PHOSPHO2: variants seen among roughly 807,000 people sequenced by gnomAD.
PHOSPHO2 encodes the protein pyridoxal phosphate phosphatase PHOSPHO2.
Under a neutral mutation model 16.4 loss-of-function variants are expected in PHOSPHO2, and 14 were observed. The observed-to-expected ratio is 0.85, with a 90% CI of 0.56 to 1.33. The LOEUF is 1.33. Among genes scored for constraint, PHOSPHO2 ranks in the 40% most tolerant of loss-of-function variants. The pLI, the probability that PHOSPHO2 is intolerant of heterozygous loss-of-function variation, is 0.00. For synonymous variants in PHOSPHO2, 85 were observed against 90.5 expected, an observed-to-expected ratio of 0.94 and a Z score of 0.34; for missense variants, 246 against 282.5, an observed-to-expected ratio of 0.87 and a Z score of 0.93.
At chr2:169,699,054 A>T (rs1197046601) in intron 3 of PHOSPHO2, among the ~76,000 whole-genome samples, 1 of 152,036 alleles carries the variant, frequency 6.6e-6, no homozygotes, top group Non-Finnish European at 1.5e-5. Flanking sequence ...CATGTGCAGG[A>T]TGTGTAGATT....
intron 2 of PHOSPHO2, among the ~76,000 whole-genome samples, chr2:169,696,314 T>A (rs1574496100): frequency 6.6e-6 from 1 of 152,160 alleles, no homozygotes; most frequent in East Asian, 1.9e-4. Context: ...AAGAAAAAAA[T>A]TTTATTACAA....
chr2:169,701,149 G>A lies in PHOSPHO2; in HGVS notation c.178G>A (p.Val60Ile). ...CTTTAAGTATTTGGGAGATAAGGGTGTAAGAGAACATGAAATGAAAAGAGC... is the reference window on the plus strand; with the variant it reads ...CTTTAAGTATTTGGGAGATAAGGGTATAAGAGAACATGAAATGAAAAGAGC... ...RVFKYLGDKG[V>I]REHEMKRAVT... Residue 60 changes from valine to isoleucine, a missense_variant, in exon 4 of 4, where the codon GTA becomes ATA. Val to Ile is a conservative substitution (Grantham distance 29, BLOSUM62 3). Coordinates refer to ENST00000359744, the MANE Select transcript of PHOSPHO2 (RefSeq NM_001008489.4). The A allele has an allele frequency of 1.2e-6, 2 of 1,614,052 alleles. No homozygotes were observed. Among genetic ancestry groups the A allele is most frequent in the South Asian group, 1.1e-5 (1 of 91,072 alleles).
At chr2:169,696,598 C>A (rs1413607766) in intron 2 of PHOSPHO2, among the ~76,000 whole-genome samples, 1 of 152,180 alleles carries the variant, frequency 6.6e-6, no homozygotes, top group East Asian at 1.9e-4. Context: ...TATTGTTACA[C>A]TATGGAAACA....
chr2:169,701,414 C>A lies in PHOSPHO2; in HGVS notation c.443C>A (p.Pro148Gln). The A allele has an allele frequency of 1.2e-6, 2 of 1,613,252 alleles. No homozygotes were observed. Among genetic ancestry groups the A allele is most frequent in the Admixed American group, 1.7e-5 (1 of 59,926 alleles). The change falls in exon 4 of 4, where the codon CCA becomes CAA. Residue 148 changes from proline to glutamine, a missense_variant. Physicochemically the swap from Pro to Gln is moderately conservative, Grantham distance 76. Transcript: ENST00000359744. ...NYHTHSCNRCPKNLCKKVVLI... is the reference protein window; with the variant it reads ...NYHTHSCNRCQKNLCKKVVLI... ...CATACTCATTCTTGCAATAGATGCC[C>A]AAAGAATCTTTGCAAAAAGGTAGTT...
At chr2:169,696,180 T>A (rs1032916984) in intron 2 of PHOSPHO2, among the ~76,000 whole-genome samples, 13 of 152,208 alleles carry the variant, frequency 8.5e-5, no homozygotes, top group African/African-American at 3.1e-4. Flanking sequence ...AACCTGTGGA[T>A]TGTCACAACC....
intron 3 of PHOSPHO2, 40 bp downstream of exon 3, chr2:169,697,571 A>C (rs1362921852): frequency 6.6e-6 from 1 of 152,186 alleles, no homozygotes; most frequent in Non-Finnish European, 1.5e-5. Flanking sequence ...TGGTGAGAAA[A>C]TACTAACAGA....
At chr2:169,699,625 T>C (rs1687673851) in intron 3 of PHOSPHO2, among the ~76,000 whole-genome samples, 1 of 152,176 alleles carries the variant, frequency 6.6e-6, no homozygotes, top group South Asian at 2.1e-4. Flanking sequence ...GTTGAACTAA[T>C]TTAATTTACA....
intron 2 of PHOSPHO2, among the ~76,000 whole-genome samples, chr2:169,696,983 T>G (rs1288576646): frequency 1.3e-5 from 2 of 151,890 alleles, no homozygotes; most frequent in African/African-American, 2.4e-5. Context: ...TTTCTGACAT[T>G]AGAAAAACAA....
In PHOSPHO2 at chr2:169,701,094, A is replaced by G. The variant is rs1320844696; in HGVS notation, c.123A>G (p.Lys41=). ...LPIELRDSYR[K]GFWTEFMGRV... ...TTGAACTACGTGATTCTTATCGAAA[A>G]GGATTTTGGACAGAATTTATGGGCA... is the stretch of plus-strand genomic sequence containing the variant. The change falls in exon 4 of 4, where the codon AAA becomes AAG. Residue 41 remains lysine, a synonymous_variant. Coordinates refer to ENST00000359744, the MANE Select transcript of PHOSPHO2 (RefSeq NM_001008489.4). 1 of 1,614,068 alleles carries G rather than the reference A, an allele frequency of 6.2e-7. No homozygotes were observed. The highest frequency in any genetic ancestry group is 8.5e-7 in the Non-Finnish European group (1 of 1,179,974).
intron 1 of PHOSPHO2, 89 bp downstream of exon 1, chr2:169,694,711 C>A: frequency 2.9e-6 from 1 of 339,082 alleles, no homozygotes; most frequent in Admixed American, 3.8e-5. Flanking sequence ...CCGATTGGGT[C>A]CGATGCCTAC....
rs1369184441 is a variant in PHOSPHO2, at chr2:169,701,602, A to G, written c.631A>G (p.Met211Val). 1.2e-6 allele frequency: 2 copies of G among 1,608,294 alleles called. No homozygotes were observed. Among genetic ancestry groups the G allele is most frequent in the Admixed American group, 1.7e-5 (1 of 59,992 alleles). ...TACCTTACAGAAAACTCTTTCCAGAATGTCTCAAAATCTTGAGCCTATGGA... is the reference window on the plus strand; with the variant it reads ...TACCTTACAGAAAACTCTTTCCAGAGTGTCTCAAAATCTTGAGCCTATGGA... Reference protein sequence around the residue: ...GYTLQKTLSRMSQNLEPMEYS... With the variant: ...GYTLQKTLSRVSQNLEPMEYS... The change falls in exon 4 of 4, where the codon ATG becomes GTG. Residue 211 changes from methionine (M) to valine (V), a missense_variant. Transcript: ENST00000359744.
chr2:169,700,450 C>T (rs1405606096), intron 3 of PHOSPHO2, among the ~76,000 whole-genome samples: 1 of 151,998 alleles, frequency 6.6e-6, no homozygotes, highest in Admixed American at 6.6e-5. Flanking sequence ...ATAGGGAATC[C>T]TTTCCCCATT....
In PHOSPHO2 at chr2:169,694,493, G is replaced by A. The variant is rs1320731066; in HGVS notation, c.-360G>A. The A allele has an allele frequency of 8.7e-6, 6 of 692,548 alleles. No individual in the cohort carries two copies. The highest frequency in any genetic ancestry group is 1.0e-5 in the Non-Finnish European group (4 of 389,796). 42.9% of individuals were successfully genotyped at this position (692,548 alleles called of 1,614,324 possible). A position where few individuals can be genotyped will look rare whatever the true frequency, so the allele number is the denominator to read the frequency against. On this transcript the variant is annotated 5_prime_UTR_variant, in exon 1 of 4. Coordinates refer to ENST00000359744, the MANE Select transcript of PHOSPHO2 (RefSeq NM_001008489.4). The stretch of plus-strand genomic sequence containing the variant: ...TGCAGTTGGCGGTCGGGCTAGAGAA[G>A]AGAGGCGCCTGCGCTTGCGAGCTGG...
At chr2:169,700,019 A>G (rs1006615247) in intron 3 of PHOSPHO2, among the ~76,000 whole-genome samples, 94 of 152,338 alleles carry the variant, frequency 6.2e-4, no homozygotes, top group African/African-American at 2.2e-3. Flanking sequence ...AAATGAAAAG[A>G]GCAGTGACAT....
intron 3 of PHOSPHO2, 73 bp downstream of exon 3, chr2:169,697,604 G>T (rs1687592585): frequency 6.6e-6 from 1 of 152,144 alleles, no homozygotes; most frequent in South Asian, 2.1e-4. Context: ...AATTTTAAAA[G>T]TGCACTTTCA....
chr2:169,694,892 A>G (rs1687456519), intron 1 of PHOSPHO2, among the ~76,000 whole-genome samples: 1 of 152,226 alleles, frequency 6.6e-6, no homozygotes, highest in East Asian at 1.9e-4. Flanking sequence ...TTTCTGAGGC[A>G]TGGTCAGGAC....
At chr2:169,698,629 A>G (rs1687634515) in intron 3 of PHOSPHO2, among the ~76,000 whole-genome samples, 1 of 152,106 alleles carries the variant, frequency 6.6e-6, no homozygotes, top group Admixed American at 6.6e-5. Context: ...CCTTTTCTGG[A>G]TATTCTATAT....
At position 169,701,397 on chromosome 2, in the gene PHOSPHO2, T is replaced by C; in HGVS notation, c.426T>C (p.His142=). The C allele has an allele frequency of 6.2e-7, 1 of 1,613,668 alleles. No individual in the cohort carries two copies. The highest frequency in any genetic ancestry group is 2.2e-5 in the East Asian group (1 of 44,856). The change falls in exon 4 of 4, where the codon CAT becomes CAC. Residue 142 remains histidine, a synonymous_variant. Transcript: ENST00000359744. ...GHLTVENYHT[H]SCNRCPKNLC... ...TCACTGTTGAAAATTATCATACTCA[T>C]TCTTGCAATAGATGCCCAAAGAATC...
rs1490321485 is a variant in PHOSPHO2, at chr2:169,700,908, CAG to C, written c.-26-35_-26-34del. The C allele has an allele frequency of 4.7e-6, 7 of 1,484,970 alleles. No homozygotes were observed. The Admixed American group carries it at 6.7e-5, about 14-fold the overall frequency. 92.0% of individuals were successfully genotyped at this position (1,484,970 alleles called of 1,614,324 possible). A position where few individuals can be genotyped will look rare whatever the true frequency, so the allele number is the denominator to read the frequency against. ...TAAGTATTTTAGCTAGATATGTAAA[CAG>C]AGTTTGTTTAGGGAATAATATTTCT... On this transcript the variant is annotated intron_variant, in intron 3 of 3. Transcript: ENST00000359744.
Sources: gnomAD v4.1 joint callset for allele counts (sites outside exome capture counted in the v4.1 genomes callset) on GRCh38, gnomAD v4.1.1 for gene constraint, MANE v1.5 for transcripts, NCBI Gene and HGNC (gene_info 2026-07-23, HGNC 2026-07-21) for gene names.